TCF4: variants seen among roughly 807,000 people sequenced by gnomAD.
TCF4 encodes SL3-3 enhancer factor 2.
A neutral mutation model predicts 82.1 loss-of-function variants in TCF4; 3 were observed. The ratio of observed to expected loss-of-function variants is 0.04; its 90% CI spans 0.02 to 0.09. The LOEUF (loss-of-function observed/expected upper bound fraction) is 0.09, where lower values mean the gene tolerates loss of function less well. Among genes scored for constraint, TCF4 ranks in the 10% least tolerant of loss-of-function variants. The probability of loss-of-function intolerance (pLI) is 1.00; values close to 1 mark genes in which losing one functional copy is unlikely to be tolerated. For synonymous variants in TCF4, 276 were observed against 309.6 expected (o/e 0.89, Z 1.14); for missense variants, 518 against 852.7 (o/e 0.61, Z 4.89).
At chr18:55,564,962 T>C (rs1404698579) in intron 3 of TCF4, among the ~76,000 whole-genome samples, 1 of 152,186 alleles carries the variant, frequency 6.6e-6, no homozygotes, top group African/African-American at 2.4e-5. Flanking sequence ...ATTGAGGCAC[T>C]GCACCAAACT....
chr18:55,611,761 T>C (rs1402645552), intron 2 of TCF4, among the ~76,000 whole-genome samples: 2 of 152,082 alleles, frequency 1.3e-5, no homozygotes, highest in African/African-American at 4.8e-5. Flanking sequence ...AATGTAAAAA[T>C]ATTTTTATTT....
intron 6 of TCF4, among the ~76,000 whole-genome samples, chr18:55,359,191 C>A (rs911629857): frequency 3.9e-5 from 6 of 152,184 alleles, no homozygotes; most frequent in Non-Finnish European, 2.9e-5. Flanking sequence ...AATATCTCCA[C>A]CTCTGCTCTC....
At chr18:55,295,298 A>G (rs1286041447) in intron 8 of TCF4, among the ~76,000 whole-genome samples, 2 of 152,090 alleles carry the variant, frequency 1.3e-5, no homozygotes, top group African/African-American at 4.8e-5. Flanking sequence ...GTCACTCTCT[A>G]TGTCTGGTAG....
rs543544118 is a variant in TCF4, at chr18:55,282,790, G to A, written c.550-3134C>T. Among the ~76,000 whole-genome samples, 14 of 152,084 alleles carry A rather than the reference G, an allele frequency of 9.2e-5. No homozygotes were observed. In the East Asian group the frequency reaches 2.5e-3, roughly 27 times the overall value. ...TACCATGTACTAGAGTGACCCCAAT[G>A]ATAAAATATGAGGAAAATCTAATGA... On this transcript the variant is annotated intron_variant, in intron 8 of 19. Transcript: ENST00000354452.
At chr18:55,319,679 CA>C (rs556811648) in intron 8 of TCF4, among the ~76,000 whole-genome samples, 797 of 134,138 alleles carry the variant, frequency 5.9e-3, no homozygotes, top group East Asian at 8.6e-3. Flanking sequence ...ACCATCCTCT[CA>C]AAAAAAAAAA....
intron 6 of TCF4, among the ~76,000 whole-genome samples, chr18:55,365,280 C>G (rs1053034702): frequency 1.4e-5 from 2 of 142,784 alleles, no homozygotes; most frequent in African/African-American, 5.2e-5. Flanking sequence ...CACACACACA[C>G]ATATATATAT....
intron 6 of TCF4, among the ~76,000 whole-genome samples, chr18:55,359,139 G>GC (rs1187693767): frequency 6.6e-6 from 1 of 152,056 alleles, no homozygotes; most frequent in African/African-American, 2.4e-5. Flanking sequence ...CAGCATGCCC[G>GC]CTTGGACAAC....
At chr18:55,285,983 T>G (rs1453585585) in intron 8 of TCF4, among the ~76,000 whole-genome samples, 1 of 152,220 alleles carries the variant, frequency 6.6e-6, no homozygotes, top group East Asian at 1.9e-4. Flanking sequence ...TCTTTTTTTC[T>G]AACCATCTGC....
chr18:55,502,972 A>G (rs1253815022), intron 3 of TCF4, among the ~76,000 whole-genome samples: 1 of 152,188 alleles, frequency 6.6e-6, no homozygotes, highest in East Asian at 1.9e-4. Flanking sequence ...TCAATTTCTA[A>G]AATATCTACA....
At chr18:55,230,015 C>T (rs2047433253) in intron 17 of TCF4, 1 of 152,398 alleles carries the variant, frequency 6.6e-6, no homozygotes, top group Non-Finnish European at 1.5e-5. Flanking sequence ...CACAGTGATG[C>T]ACACCTGCGG....
At chr18:55,539,618 T>G (rs2097147647) in intron 3 of TCF4, among the ~76,000 whole-genome samples, 1 of 152,090 alleles carries the variant, frequency 6.6e-6, no homozygotes, top group African/African-American at 2.4e-5. Context: ...CACACAAACT[T>G]ATCCACTGTG....
At position 55,331,059 on chromosome 18, in the gene TCF4, C is replaced by T. The variant is rs150051061; in HGVS notation, c.549+19300G>A. ...AATAAATCTCTGAAAAACATAAAAA[C>T]AATCAAAAGTTGTTTCTCCAGTTGA... On this transcript the variant is annotated intron_variant, in intron 8 of 19. Transcript: ENST00000354452. Among the ~76,000 whole-genome samples the T allele has an allele frequency of 1.4e-3, 220 of 152,198 alleles. 1 individual carries two copies. The highest frequency in any genetic ancestry group is 4.1e-3 in the African/African-American group (171 of 41,534).
At chr18:55,349,908 C>A (rs1374014213) in intron 8 of TCF4, among the ~76,000 whole-genome samples, 4 of 152,120 alleles carry the variant, frequency 2.6e-5, no homozygotes. Flanking sequence ...TATTCAGCAA[C>A]CTCTCCAGAA....
At chr18:55,457,733 CA>C (rs1359369094) in intron 5 of TCF4, among the ~76,000 whole-genome samples, 1 of 152,134 alleles carries the variant, frequency 6.6e-6, no homozygotes, top group Non-Finnish European at 1.5e-5. Flanking sequence ...ATTTATATCC[CA>C]CTTTGCATAA....
rs191433157 is a variant in TCF4 at position 55,222,269 on chromosome 18, G to T, written c.*5766C>A. The T allele has an allele frequency of 6.6e-6, 1 of 152,276 alleles. No homozygotes were observed. 9.4% of individuals were successfully genotyped at this position (152,276 alleles called of 1,614,324 possible). On this transcript the variant is annotated 3_prime_UTR_variant, in exon 20 of 20. Transcript: ENST00000354452. ...CACAAGATACTGTAGGGGTGCACAGGCACATTCCCCCCCACCCCTTTTCAG... is the reference window on the plus strand; with the variant it reads ...CACAAGATACTGTAGGGGTGCACAGTCACATTCCCCCCCACCCCTTTTCAG...
intron 3 of TCF4, among the ~76,000 whole-genome samples, chr18:55,576,323 C>CA (rs1250995455): frequency 1.1e-4 from 16 of 152,122 alleles, no homozygotes; most frequent in African/African-American, 1.4e-4. Context: ...AGTAGGGACA[C>CA]AAAATCTTCA....
At chr18:55,496,205 G>A (rs1568227201) in intron 3 of TCF4, 1 of 152,158 alleles carries the variant, frequency 6.6e-6, no homozygotes, top group South Asian at 2.1e-4. Flanking sequence ...TCTGTTGATA[G>A]CTGCCAAGTA....
At chr18:55,630,815 G>C (rs2097730828) in intron 2 of TCF4, among the ~76,000 whole-genome samples, 1 of 152,174 alleles carries the variant, frequency 6.6e-6, no homozygotes. Context: ...GGAGGAATTT[G>C]ACTTGTTTTC....
chr18:55,320,799 AC>A (rs1303714229), intron 8 of TCF4: 1 of 152,150 alleles, frequency 6.6e-6, no homozygotes, highest in Admixed American at 6.6e-5. Flanking sequence ...CTCCTCTATC[AC>A]CCAACAACTC....
Sources: gnomAD v4.1 joint callset for allele counts (sites outside exome capture counted in the v4.1 genomes callset) on GRCh38, gnomAD v4.1.1 for gene constraint, MANE v1.5 for transcripts, NCBI Gene and HGNC (gene_info 2026-07-23, HGNC 2026-07-21) for gene names.